Variants in KRIT1 observed in about 807,000 individuals in gnomAD.
The protein encoded by KRIT1 is KRIT1 ankyrin repeat containing.
A neutral mutation model predicts 95.8 loss-of-function variants in KRIT1; 45 were observed. The observed-to-expected ratio is 0.47, with a 90% CI of 0.37 to 0.60. The LOEUF is 0.60. KRIT1 is among the 20% of genes least tolerant of loss of function. KRIT1 has a pLI of 0.00. For synonymous variants in KRIT1, 282 were observed against 278.8 expected, an observed-to-expected ratio of 1.01 and a Z score of -0.11; for missense variants, 788 against 877.5, an observed-to-expected ratio of 0.90 and a Z score of 1.29.
In KRIT1 at chr7:92,202,755, T is replaced by A. The variant is rs149505933; in HGVS notation, c.2026-1332A>T. On this transcript the variant is annotated intron_variant, in intron 17 of 18. Coordinates refer to ENST00000394505, the MANE Select transcript of KRIT1 (RefSeq NM_194454.3). The stretch of plus-strand genomic sequence containing the variant: ...ATAAATAAAATAAATAAAGTGAGGT[T>A]CTGTGAATGAAACACAGGTAATTTA... 2.0e-4 allele frequency among the ~76,000 whole-genome samples: 30 copies of A among 152,292 alleles called. No individual in the cohort carries two copies. In the East Asian group the frequency reaches 5.8e-3, roughly 29 times the overall value.
intron 17 of KRIT1, 40 bp downstream of exon 17, chr7:92,213,153 CTA>C: frequency 7.4e-7 from 1 of 1,359,660 alleles, no homozygotes; most frequent in Non-Finnish European, 1.1e-6. Context: ...GTTGTTTTAA[CTA>C]TTATATGACA....
intron 1 of KRIT1, chr7:92,245,510 G>T (rs1800752180): frequency 6.6e-6 from 1 of 150,924 alleles, no homozygotes; most frequent in Admixed American, 6.6e-5. Context: ...CCTGTTTCCC[G>T]AAGGACACCG....
At chr7:92,231,565 T>C (rs1797294043) in intron 10 of KRIT1, among the ~76,000 whole-genome samples, 1 of 152,160 alleles carries the variant, frequency 6.6e-6, no homozygotes, top group African/African-American at 2.4e-5. Flanking sequence ...CTTACAAAAA[T>C]AGGACTAAAC....
At chr7:92,223,852 A>C (rs1795669657) in intron 12 of KRIT1, among the ~76,000 whole-genome samples, 1 of 152,188 alleles carries the variant, frequency 6.6e-6, no homozygotes, top group Admixed American at 6.5e-5. Flanking sequence ...TTGTTATAGG[A>C]AGTAACTGAT....
At chr7:92,211,364 T>C (rs547716666) in intron 17 of KRIT1, among the ~76,000 whole-genome samples, 7 of 152,340 alleles carry the variant, frequency 4.6e-5, no homozygotes, top group African/African-American at 1.4e-4. Context: ...AATCTTGCAT[T>C]CGCAACAACA....
Position 92,226,615 on chromosome 7 carries a change from C to T in KRIT1, c.1057G>A (p.Gly353Arg). Reference protein sequence around the residue: ...KGKCNPNLLNGQLSSPLHFAA... With the variant: ...KGKCNPNLLNRQLSSPLHFAA... ...AAATGAAGAGGAGAACTAAGTTGTC[C>T]ATTTAAAAGGTTTGGATTGCACTTT... Residue 353 changes from glycine (G) to arginine (R), a missense_variant, in exon 11 of 19, where the codon GGA becomes AGA. Gly to Arg is a moderately radical substitution (Grantham distance 125). Around this residue, in one of 3 missense-constraint regions of KRIT1, gnomAD observed 493 missense variants for 582.3 expected, o/e 0.85. Transcript: ENST00000394505. The T allele has an allele frequency of 6.2e-7, 1 of 1,613,150 alleles. No homozygotes were observed. The highest frequency in any genetic ancestry group is 8.5e-7 in the Non-Finnish European group (1 of 1,179,324).
Position 92,221,903 on chromosome 7 carries a change from T to C in KRIT1, c.1562A>G (p.Gln521Arg), listed in dbSNP as rs761239146. Residue 521 changes from glutamine to arginine, a missense_variant and splice_region_variant, in exon 14 of 19, where the codon CAG becomes CGG. By Grantham distance (43) the Gln-to-Arg change is conservative. Transcript: ENST00000394505. ...DVRLPLEVEK[Q>R]IEDPLAILIL... is the part of the protein sequence containing the mutation. ...TGTAAATAAGATTTCCAAGCAAACC[T>C]GTTTTTCAACTTCCAAGGGAAGTCT... The C allele has an allele frequency of 7.4e-6, 12 of 1,613,192 alleles. No homozygotes were observed. Among genetic ancestry groups the C allele is most frequent in the African/African-American group, 1.3e-5 (1 of 74,936 alleles).
rs1471106675 is a variant in KRIT1 at position 92,214,612 on chromosome 7, T to G, written c.1729A>C (p.Asn577His). ...CCATGCATAATATTAAATACTTACT[T>G]TAGGAAACCTTGCTTGTGTTTTTTA... ...ESKKHKQGFL[N>H]EENLKSIVPV... Residue 577 changes from asparagine (N) to histidine (H), a missense_variant and splice_region_variant, in exon 15 of 19, where the codon AAT becomes CAT. Physicochemically the swap from Asn to His is moderately conservative, Grantham distance 68. This residue lies in a region of KRIT1 where 493 missense variants were observed against 582.3 expected (regional missense o/e 0.85). Transcript: ENST00000394505. 1 of 1,607,760 alleles carries G rather than the reference T, an allele frequency of 6.2e-7. No individual in the cohort carries two copies. The highest frequency in any genetic ancestry group is 1.3e-5 in the African/African-American group (1 of 74,780).
At chr7:92,216,228 C>CAAA (rs200120119) in intron 14 of KRIT1, among the ~76,000 whole-genome samples, 1 of 63,138 alleles carries the variant, frequency 1.6e-5, no homozygotes, top group African/African-American at 6.2e-5. Flanking sequence ...GACTCCATCT[C>CAAA]AAAAAAAAAA....
chr7:92,207,575 AG>A, intron 17 of KRIT1, among the ~76,000 whole-genome samples: 1 of 152,286 alleles, frequency 6.6e-6, no homozygotes, highest in African/African-American at 2.4e-5. Context: ...TGGATTTAAC[AG>A]CCAGGTGCAG....
intron 12 of KRIT1, among the ~76,000 whole-genome samples, chr7:92,225,412 A>G (rs1319589941): frequency 3.3e-5 from 5 of 151,974 alleles, no homozygotes; most frequent in African/African-American, 7.3e-5. Flanking sequence ...GGTTCAAGCA[A>G]TTCTCCTGTC....
chr7:92,231,487 C>T (rs749600395), intron 10 of KRIT1, among the ~76,000 whole-genome samples: 1 of 152,046 alleles, frequency 6.6e-6, no homozygotes, highest in Non-Finnish European at 1.5e-5. Flanking sequence ...AGTTTGAGAA[C>T]CACTAATCTA....
At chr7:92,213,683 T>C (rs755943294) in intron 16 of KRIT1, among the ~76,000 whole-genome samples, 2 of 152,194 alleles carry the variant, frequency 1.3e-5, no homozygotes, top group Non-Finnish European at 2.9e-5. Context: ...ACCACAGTAT[T>C]TGGCATGTTG....
intron 10 of KRIT1, among the ~76,000 whole-genome samples, chr7:92,232,088 C>T (rs998049393): frequency 1.4e-4 from 21 of 152,106 alleles, no homozygotes; most frequent in African/African-American, 4.6e-4. Context: ...CCTGCCACCA[C>T]GCCCAGCTAA....
intron 14 of KRIT1, among the ~76,000 whole-genome samples, chr7:92,215,997 A>G (rs1447080114): frequency 2.6e-5 from 4 of 152,020 alleles, no homozygotes; most frequent in African/African-American, 9.7e-5. Context: ...TGGGAGGCCG[A>G]GGTGGGCGGA....
rs1469960153 is a variant in KRIT1 at position 92,234,487 on chromosome 7, T to C, written c.951A>G (p.Leu317=). 15 of 1,610,516 alleles carry C rather than the reference T, an allele frequency of 9.3e-6. No individual in the cohort carries two copies. In the East Asian group the frequency reaches 3.3e-4, roughly 36 times the overall value. ...LLSERFSVNQ[L]DSDHWAPIHY... is the part of the protein sequence containing the mutation. ...GAATGGGTGCCCAGTGGTCACTATC[T>C]AACTGGTTGACTGAAAATCTTTCAC... is the stretch of plus-strand genomic sequence containing the variant. Residue 317 remains leucine (L), a synonymous_variant, in exon 10 of 19, where the codon TTA becomes TTG. Transcript: ENST00000394505.
rs748284336 is a variant in KRIT1 at position 92,223,014 on chromosome 7, A to AT, written c.1255-37_1255-36insA. On this transcript the variant is annotated intron_variant, in intron 12 of 18. Transcript: ENST00000394505. Reference sequence around the variant, plus strand: ...CGATAACTTACGTAACGAACTTAAAAAATTATACATCACAATCTAACAAGA... The same window carrying AT: ...CGATAACTTACGTAACGAACTTAAAATAATTATACATCACAATCTAACAAGA... The AT allele has an allele frequency of 3.1e-5, 42 of 1,341,926 alleles. No individual in the cohort carries two copies. In the Admixed American group the frequency reaches 6.2e-4, roughly 20 times the overall value. The allele number at this position is 1,341,926 out of a possible 1,614,324, so 83.1% of individuals were successfully genotyped here.
In KRIT1 at chr7:92,221,893, C is replaced by T; in HGVS notation, c.1563+9G>A. The T allele has an allele frequency of 6.2e-7, 1 of 1,611,706 alleles. No homozygotes were observed. The highest frequency in any genetic ancestry group is 1.1e-5 in the South Asian group (1 of 90,976). On this transcript the variant is annotated intron_variant, in intron 14 of 18. Transcript: ENST00000394505. ...TTTAAATAACTGTAAATAAGATTTC[C>T]AAGCAAACCTGTTTTTCAACTTCCA... is the stretch of plus-strand genomic sequence containing the variant.
intron 17 of KRIT1, among the ~76,000 whole-genome samples, chr7:92,203,231 T>C (rs1015386271): frequency 6.6e-6 from 1 of 152,256 alleles, no homozygotes; most frequent in Non-Finnish European, 1.5e-5. Flanking sequence ...TTTTTGCAGA[T>C]GAAGGTGTTT....
Sources: gnomAD v4.1 joint callset for allele counts (sites outside exome capture counted in the v4.1 genomes callset) on GRCh38, gnomAD v4.1.1 for gene constraint, gnomAD v4.1.1 regional missense constraint, MANE v1.5 for transcripts, NCBI Gene and HGNC (gene_info 2026-07-23, HGNC 2026-07-21) for gene names.